Variants in ZNF136 observed in about 807,000 individuals in gnomAD.
ZNF136 encodes zinc finger protein 136.
Under a neutral mutation model 11.4 loss-of-function variants are expected in ZNF136, and 8 were observed. That is an observed-to-expected ratio of 0.70 (90% CI 0.41 to 1.27). The LOEUF (loss-of-function observed/expected upper bound fraction) is 1.27, where lower values mean the gene tolerates loss of function less well. Ranked by LOEUF, ZNF136 falls within the 50% of genes most tolerant of loss-of-function variation. ZNF136 has a pLI of 0.01. For missense variants in ZNF136, 590 were observed against 656.5 expected (o/e 0.90, Z 1.11); for synonymous variants, 190 against 207.1 (o/e 0.92, Z 0.71).
At chr19:12,183,276 C>G (rs957772936) in intron 1 of ZNF136, among the ~76,000 whole-genome samples, 1 of 151,990 alleles carries the variant, frequency 6.6e-6, no homozygotes, top group Non-Finnish European at 1.5e-5. Context: ...TCCTGAGCAG[C>G]TAGAACCATA....
intron 1 of ZNF136, among the ~76,000 whole-genome samples, chr19:12,169,759 G>A (rs946858491): frequency 5.3e-5 from 8 of 150,328 alleles, no homozygotes; most frequent in South Asian, 2.1e-4. Flanking sequence ...ACAGGCGCCC[G>A]CCACCACACC....
intron 1 of ZNF136, among the ~76,000 whole-genome samples, chr19:12,165,405 G>A (rs1489912920): frequency 6.6e-6 from 1 of 152,162 alleles, no homozygotes; most frequent in Middle Eastern, 3.2e-3. Context: ...ATTTCATTTA[G>A]TTGAAAGTGC....
chr19:12,176,127 A>G (rs2145634036), intron 1 of ZNF136, among the ~76,000 whole-genome samples: 1 of 152,286 alleles, frequency 6.6e-6, no homozygotes, highest in Middle Eastern at 3.4e-3. Flanking sequence ...ACGCTGCTAT[A>G]AACATCTGTG....
intron 1 of ZNF136, among the ~76,000 whole-genome samples, chr19:12,165,562 T>C (rs748226275): frequency 3.9e-5 from 6 of 152,232 alleles, no homozygotes; most frequent in Non-Finnish European, 8.8e-5. Context: ...TTGGAGTAAT[T>C]ATCTGCATGA....
rs1915071175 is a variant in ZNF136, at chr19:12,185,998, G to A, written c.130+87G>A. 54 of 1,600,108 alleles carry A rather than the reference G, an allele frequency of 3.4e-5. 1 individual carries two copies. In the South Asian group the frequency reaches 5.1e-4, roughly 15 times the overall value. ...GCTGTTCCATGGTTTGCATCATGGAGGGAGAGTACTTGGGGGGCTAAAACA... is the reference window on the plus strand; with the variant it reads ...GCTGTTCCATGGTTTGCATCATGGAAGGAGAGTACTTGGGGGGCTAAAACA... On this transcript the variant is annotated intron_variant, in intron 2 of 3. Coordinates refer to ENST00000343979, the MANE Select transcript of ZNF136 (RefSeq NM_003437.5).
chr19:12,167,438 T>C (rs1977202063), intron 1 of ZNF136, among the ~76,000 whole-genome samples: 3 of 152,232 alleles, frequency 2.0e-5, no homozygotes, highest in Admixed American at 2.0e-4. Flanking sequence ...AGAATGGGCA[T>C]TTGTAGACCT....
At chr19:12,182,877 CTG>C (rs1453078296) in intron 1 of ZNF136, among the ~76,000 whole-genome samples, 1 of 152,130 alleles carries the variant, frequency 6.6e-6, no homozygotes. Context: ...TCAGATTTCT[CTG>C]TGTTCCAGGT....
chr19:12,176,627 T>C (rs1177830434), intron 1 of ZNF136, among the ~76,000 whole-genome samples: 2 of 152,176 alleles, frequency 1.3e-5, no homozygotes, highest in African/African-American at 4.8e-5. Context: ...GCGCCCAGCC[T>C]TTCCATGAGT....
At chr19:12,168,696 A>C (rs571099723) in intron 1 of ZNF136, among the ~76,000 whole-genome samples, 1 of 148,926 alleles carries the variant, frequency 6.7e-6, no homozygotes, top group Non-Finnish European at 1.5e-5. Context: ...TTTTTTTGAG[A>C]TGGAGTTTCA....
chr19:12,173,768 G>T (rs183530925), intron 1 of ZNF136, among the ~76,000 whole-genome samples: 6 of 152,322 alleles, frequency 3.9e-5, no homozygotes, highest in Admixed American at 2.6e-4. Context: ...TGCCACTGCT[G>T]TCGGATGTGT....
chr19:12,168,626 A>T (rs868107885), intron 1 of ZNF136, among the ~76,000 whole-genome samples: 33 of 148,590 alleles, frequency 2.2e-4, no homozygotes, highest in African/African-American at 7.0e-4. Flanking sequence ...CTTCCAGGGG[A>T]CCCCCACTTC....
intron 1 of ZNF136, among the ~76,000 whole-genome samples, chr19:12,170,213 C>T (rs968008249): frequency 6.6e-6 from 1 of 152,146 alleles, no homozygotes; most frequent in East Asian, 1.9e-4. Flanking sequence ...CAGGCGTGAG[C>T]CACCGCGCCC....
intron 1 of ZNF136, among the ~76,000 whole-genome samples, chr19:12,171,527 C>T (rs1914653236): frequency 6.6e-6 from 1 of 152,142 alleles, no homozygotes; most frequent in Admixed American, 6.6e-5. Flanking sequence ...CATCTTGTCA[C>T]ATTAAAGTCA....
At chr19:12,163,299 G>A in intron 1 of ZNF136, 93 bp downstream of exon 1, 1 of 1,311,424 alleles carries the variant, frequency 7.6e-7, no homozygotes, top group South Asian at 2.7e-5. Flanking sequence ...CTTCCCGTGG[G>A]CGACTCTGGG....
intron 1 of ZNF136, among the ~76,000 whole-genome samples, chr19:12,180,862 CCA>C (rs1405120857): frequency 1.3e-5 from 2 of 152,214 alleles, no homozygotes; most frequent in African/African-American, 4.8e-5. Flanking sequence ...GGAAGGCACA[CCA>C]CTGCATACGG....
chr19:12,167,482 T>G (rs180893715), intron 1 of ZNF136, among the ~76,000 whole-genome samples: 2 of 152,196 alleles, frequency 1.3e-5, no homozygotes, highest in African/African-American at 2.4e-5. Flanking sequence ...GCCCATCACT[T>G]TGGGAGGCTG....
intron 1 of ZNF136, among the ~76,000 whole-genome samples, chr19:12,169,044 G>T (rs1408611492): frequency 6.6e-6 from 1 of 152,174 alleles, no homozygotes; most frequent in Non-Finnish European, 1.5e-5. Flanking sequence ...AGGAGCGTTT[G>T]TTGGATTTCT....
At position 12,186,678 on chromosome 19, in the gene ZNF136, A is replaced by C. The variant is rs34151035; in HGVS notation, c.300A>C (p.Lys100Asn). Residue 100 changes from lysine (K) to asparagine (N), a missense_variant, in exon 4 of 4, where the codon AAA (lysine) becomes AAC (asparagine). Coordinates refer to ENST00000343979, the MANE Select transcript of ZNF136 (RefSeq NM_003437.5). ...QNLSKKIPGV[K>N]LCESIVYGEV... is the part of the protein sequence containing the mutation. ...TGAGCAAGAAAATCCCTGGAGTGAA[A>C]CTCTGTGAAAGCATTGTATATGGAG... 1.1e-4 allele frequency: 173 copies of C among 1,613,984 alleles called. No individual in the cohort carries two copies. The highest frequency in any genetic ancestry group is 1.4e-4 in the Non-Finnish European group (171 of 1,180,004).
At chr19:12,186,466 A>G (rs1381085506) in intron 3 of ZNF136, 104 bp from the exon 4 acceptor site, 1 of 1,021,144 alleles carries the variant, frequency 9.8e-7, no homozygotes, top group African/African-American at 1.6e-5. Flanking sequence ...CAGACTTGGC[A>G]TCGAGTCTAC....
Sources: gnomAD v4.1 joint callset for allele counts (sites outside exome capture counted in the v4.1 genomes callset) on GRCh38, gnomAD v4.1.1 for gene constraint, MANE v1.5 for transcripts, NCBI Gene and HGNC (gene_info 2026-07-23, HGNC 2026-07-21) for gene names.